RSPH3: variants seen among roughly 807,000 people sequenced by gnomAD.
The protein encoded by RSPH3 is radial spoke head protein 3 homolog.
A neutral mutation model predicts 43.8 loss-of-function variants in RSPH3; 21 were observed. The observed-to-expected ratio is 0.48, with a 90% CI of 0.34 to 0.69. The LOEUF is 0.69. Ranked by LOEUF, RSPH3 falls within the 30% of genes least tolerant of loss-of-function variation. The pLI is 0.01. For missense variants in RSPH3, 487 were observed against 516.0 expected, an observed-to-expected ratio of 0.94 and a Z score of 0.54; for synonymous variants, 173 against 179.8, an observed-to-expected ratio of 0.96 and a Z score of 0.30.
intron 4 of RSPH3, 132 bp from the exon 5 acceptor site, chr6:158,982,820 T>C: frequency 1.6e-6 from 1 of 610,242 alleles, no homozygotes; most frequent in East Asian, 2.9e-5. Flanking sequence ...GTGCTGGTGC[T>C]TTATTCATGG....
At position 158,999,843 on chromosome 6, in the gene RSPH3, G is replaced by C. The variant is rs1281004707; in HGVS notation, c.-293C>G. ...GAACTCCGGGCAGTTCCGGTCCCCAGGTTTCCCGGGAAGGACTGCGGCACA... is the reference window on the plus strand; with the variant it reads ...GAACTCCGGGCAGTTCCGGTCCCCACGTTTCCCGGGAAGGACTGCGGCACA... On this transcript the variant is annotated 5_prime_UTR_variant, in exon 1 of 8. Transcript: ENST00000367069. 11 of 1,613,938 alleles carry C rather than the reference G, an allele frequency of 6.8e-6. No homozygotes were observed. The highest frequency in any genetic ancestry group is 1.7e-5 in the Admixed American group (1 of 60,028).
chr6:158,970,607 G>A (rs755542258), downstream of RSPH3, among the ~76,000 whole-genome samples: 12 of 151,576 alleles, frequency 7.9e-5, no homozygotes, highest in Non-Finnish European at 1.2e-4. Flanking sequence ...GTGCAGTGGC[G>A]TGATCTTGGC....
chr6:158,999,182 C>G (rs1284479711), intron 1 of RSPH3, among the ~76,000 whole-genome samples: 1 of 152,168 alleles, frequency 6.6e-6, no homozygotes, highest in Admixed American at 6.5e-5. Flanking sequence ...GTGAAATGAG[C>G]CAATTCGTGT....
downstream of RSPH3, among the ~76,000 whole-genome samples, chr6:158,969,316 A>T (rs1200166324): frequency 6.6e-6 from 1 of 152,176 alleles, no homozygotes; most frequent in Non-Finnish European, 1.5e-5. Context: ...TTCTTTTAGC[A>T]CTTTGAATAT....
rs1777916595 is a variant in RSPH3, at chr6:158,978,243, T to G, written c.946+17A>C. The G allele has an allele frequency of 7.5e-7, 1 of 1,333,920 alleles. No individual in the cohort carries two copies. The highest frequency in any genetic ancestry group is 1.1e-6 in the Non-Finnish European group (1 of 935,506). 82.6% of individuals were successfully genotyped at this position (1,333,920 alleles called of 1,614,324 possible). A position where few individuals can be genotyped will look rare whatever the true frequency, so the allele number is the denominator to read the frequency against. Reference sequence around the variant, plus strand: ...ACTAAAAACTTTAGAGATGAATTTTTGGATAAAATAACTTACTGTCAAGCA... The same window carrying G: ...ACTAAAAACTTTAGAGATGAATTTTGGGATAAAATAACTTACTGTCAAGCA... On this transcript the variant is annotated intron_variant, in intron 7 of 7. Coordinates refer to ENST00000367069, the MANE Select transcript of RSPH3 (RefSeq NM_031924.8).
chr6:158,983,919 A>G, intron 3 of RSPH3, 112 bp from the exon 4 acceptor site: 1 of 708,332 alleles, frequency 1.4e-6, no homozygotes, highest in East Asian at 2.7e-5. Context: ...GCATTACTTG[A>G]AGCCAGGAGT....
intron 5 of RSPH3, among the ~76,000 whole-genome samples, chr6:158,981,553 A>C (rs1156938691): frequency 6.1e-5 from 9 of 148,626 alleles, no homozygotes; most frequent in African/African-American, 1.9e-4. Flanking sequence ...TCCAAATAGT[A>C]AATAAACAAA....
intron 2 of RSPH3, among the ~76,000 whole-genome samples, chr6:158,987,333 T>C (rs1778268046): frequency 1.3e-5 from 2 of 152,358 alleles, no homozygotes; most frequent in Non-Finnish European, 2.9e-5. Context: ...TCCATCCCTT[T>C]ACTTTCAGTC....
chr6:158,977,475 A>T lies in RSPH3; in HGVS notation c.*63T>A. On this transcript the variant is annotated 3_prime_UTR_variant, in exon 8 of 8. Transcript: ENST00000367069. Reference sequence around the variant, plus strand: ...TTCTATAACCTGAGGGGACTCGCACATCATTACCTGATTGCTTGCTGACTT... The same window carrying T: ...TTCTATAACCTGAGGGGACTCGCACTTCATTACCTGATTGCTTGCTGACTT... 2.1e-6 allele frequency: 3 copies of T among 1,439,382 alleles called. No individual in the cohort carries two copies. Among genetic ancestry groups the T allele is most frequent in the Non-Finnish European group, 2.8e-6 (3 of 1,064,374 alleles). 89.2% of individuals were successfully genotyped at this position (1,439,382 alleles called of 1,614,324 possible).
chr6:158,986,157 T>C lies in RSPH3; in HGVS notation c.346+123A>G, dbSNP rs1371895511. ...TTAATAAAGGAACTTCCCTACCATGTGATCGGGGAAGTATCAGAGAGCACA... is the reference window on the plus strand; with the variant it reads ...TTAATAAAGGAACTTCCCTACCATGCGATCGGGGAAGTATCAGAGAGCACA... On this transcript the variant is annotated intron_variant, in intron 3 of 7. Coordinates refer to ENST00000367069, the MANE Select transcript of RSPH3 (RefSeq NM_031924.8). The C allele has an allele frequency of 5.4e-6, 5 of 920,442 alleles. No homozygotes were observed. The Admixed American group carries it at 1.2e-4, about 22-fold the overall frequency. The allele number at this position is 920,442 out of a possible 1,614,324, so 57.0% of individuals were successfully genotyped here.
At chr6:158,993,023 CTAT>C (rs887321599) in intron 2 of RSPH3, among the ~76,000 whole-genome samples, 7 of 152,128 alleles carry the variant, frequency 4.6e-5, no homozygotes, top group African/African-American at 1.7e-4. Context: ...TGTCTATAAA[CTAT>C]TTGAACTGGT....
At chr6:158,995,682 C>T (rs1454910173) in intron 1 of RSPH3, among the ~76,000 whole-genome samples, 2 of 152,170 alleles carry the variant, frequency 1.3e-5, no homozygotes, top group Admixed American at 1.3e-4. Flanking sequence ...GCAAGCTCCG[C>T]CTCCTGGGTT....
chr6:158,977,804 G>A lies in RSPH3; in HGVS notation c.991C>T (p.His331Tyr), dbSNP rs751315464. 3 of 1,614,100 alleles carry A rather than the reference G, an allele frequency of 1.9e-6. No homozygotes were observed. The highest frequency in any genetic ancestry group is 2.2e-5 in the South Asian group (2 of 91,072). Residue 331 changes from histidine to tyrosine, a missense_variant, in exon 8 of 8, where the codon CAT becomes TAT. Transcript: ENST00000367069. ...GGAGACTGATGTGTGTCTTCCCCAT[G>A]CTCATACATACACAGCCTCTTTTCA... Reference protein sequence around the residue: ...VVEKRLCMYEHGEDTHQSPEP... With the variant: ...VVEKRLCMYEYGEDTHQSPEP...
downstream of RSPH3, among the ~76,000 whole-genome samples, chr6:158,968,067 T>C (rs538695847): frequency 3.3e-5 from 5 of 152,330 alleles, no homozygotes; most frequent in South Asian, 1.0e-3. Context: ...CCATTTACTT[T>C]TGATTAAATT....
intron 4 of RSPH3, among the ~76,000 whole-genome samples, chr6:158,983,019 G>A (rs944641189): frequency 3.9e-5 from 6 of 152,040 alleles, no homozygotes; most frequent in Admixed American, 2.6e-4. Context: ...ATGAATGAAG[G>A]AACAAGAATG....
In RSPH3 at chr6:158,974,163, C is replaced by T. The variant is rs1443036104; in HGVS notation, c.*3375G>A. The T allele has an allele frequency of 6.6e-6, 1 of 152,198 alleles. No homozygotes were observed. Among genetic ancestry groups the T allele is most frequent in the African/African-American group, 2.4e-5 (1 of 41,450 alleles). 9.4% of individuals were successfully genotyped at this position (152,198 alleles called of 1,614,324 possible). A position where few individuals can be genotyped will look rare whatever the true frequency, so the allele number is the denominator to read the frequency against. Reference sequence around the variant, plus strand: ...TCTTCATTTTATTATTATTTAGCTTCTGTTAACTCAGTGTTAGCTGAAACA... The same window carrying T: ...TCTTCATTTTATTATTATTTAGCTTTTGTTAACTCAGTGTTAGCTGAAACA... On this transcript the variant is annotated 3_prime_UTR_variant, in exon 8 of 8. Coordinates refer to ENST00000367069, the MANE Select transcript of RSPH3 (RefSeq NM_031924.8).
chr6:158,995,744 G>A (rs1359248124), intron 1 of RSPH3, among the ~76,000 whole-genome samples: 2 of 151,462 alleles, frequency 1.3e-5, no homozygotes, highest in Admixed American at 6.6e-5. Context: ...ACAGGCGCCC[G>A]CCACCACGCC....
chr6:158,988,470 TC>T (rs1778302819), intron 2 of RSPH3, among the ~76,000 whole-genome samples: 1 of 152,210 alleles, frequency 6.6e-6, no homozygotes, highest in Non-Finnish European at 1.5e-5. Context: ...AAAACAAGCT[TC>T]CCACTCCTTG....
chr6:158,969,979 T>C (rs749434993), downstream of RSPH3, among the ~76,000 whole-genome samples: 1 of 152,210 alleles, frequency 6.6e-6, no homozygotes, highest in Non-Finnish European at 1.5e-5. Flanking sequence ...ATTAAAGTCT[T>C]TGTCTAGTAA....
Sources: allele counts gnomAD v4.1 joint callset (sites outside exome capture counted in the v4.1 genomes callset), GRCh38; gene constraint gnomAD v4.1.1; transcripts MANE v1.5; gene names NCBI Gene and HGNC (gene_info 2026-07-23, HGNC 2026-07-21).